JMJD4: variants seen among roughly 807,000 people sequenced by gnomAD.
JMJD4 encodes the protein 2-oxoglutarate and iron-dependent oxygenase JMJD4.
Under a neutral mutation model 36.3 loss-of-function variants are expected in JMJD4, and 34 were observed. The observed-to-expected ratio is 0.94, with a 90% confidence interval of 0.71 to 1.25. JMJD4 has a LOEUF of 1.25. JMJD4 is among the 50% of genes most tolerant of loss of function. The pLI, the probability that JMJD4 is intolerant of heterozygous loss-of-function variation, is 0.00. For synonymous variants in JMJD4, 269 were observed against 235.3 expected, an observed-to-expected ratio of 1.14 and a Z score of -1.31; for missense variants, 584 against 559.1, an observed-to-expected ratio of 1.04 and a Z score of -0.45.
In JMJD4 at chr1:227,734,023, C is replaced by A; in HGVS notation, c.438G>T (p.Pro146=). 1 of 1,613,206 alleles carries A rather than the reference C, an allele frequency of 6.2e-7. No individual in the cohort carries two copies. Among genetic ancestry groups the A allele is most frequent in the Non-Finnish European group, 8.5e-7 (1 of 1,179,812 alleles). Residue 146 remains proline (P), a synonymous_variant, in exon 3 of 6, where the codon CCG becomes CCT. Transcript: ENST00000620518. ...CAGGCAGGGTGAAAACGTCCTCCAC[C>A]GGAAAGTCCCTGTGAGGAGGGCGCA... ...LKDWHLCRDF[P]VEDVFTLPVY...
intron 2 of JMJD4, chr1:227,734,375 AAAG>A: frequency 2.9e-6 from 1 of 340,328 alleles, no homozygotes; most frequent in Non-Finnish European, 5.2e-6. Flanking sequence ...AAAAAAAAAA[AAAG>A]CCGGGAGTGG....
intron 2 of JMJD4, chr1:227,734,306 A>C (rs1053621566): frequency 1.8e-5 from 7 of 390,956 alleles, no homozygotes; most frequent in Non-Finnish European, 3.1e-5. Context: ...ACCTGAGCTC[A>C]GGAGTTCAAG....
At position 227,732,060 on chromosome 1, in the gene JMJD4, C is replaced by T. The variant is rs1412337628; in HGVS notation, c.*332G>A. The stretch of plus-strand genomic sequence containing the variant: ...ACAGGGCTGGCCTATTAAGAGGAGC[C>T]ACCAGAGAAGGCACACCAGACACAG... On this transcript the variant is annotated 3_prime_UTR_variant, in exon 6 of 6. Coordinates refer to ENST00000620518, the MANE Select transcript of JMJD4 (RefSeq NM_023007.3). The T allele has an allele frequency of 4.8e-6, 2 of 416,782 alleles. No homozygotes were observed. Among genetic ancestry groups the T allele is most frequent in the Admixed American group, 7.3e-5 (2 of 27,490 alleles). The allele number at this position is 416,782 out of a possible 1,614,324, so 25.8% of individuals were successfully genotyped here. A position where few individuals can be genotyped will look rare whatever the true frequency, so the allele number is the denominator to read the frequency against.
At position 227,734,783 on chromosome 1, in the gene JMJD4, A is replaced by G. The variant is rs977414047; in HGVS notation, c.296T>C (p.Val99Ala). Reference sequence around the variant, plus strand: ...TTTGGGGTTCGAGTTGTATTCCTGGACCCCACAGTTTGCAACTGGTACAAC... The same window carrying G: ...TTTGGGGTTCGAGTTGTATTCCTGGGCCCCACAGTTTGCAACTGGTACAAC... ...DVVVPVANCG[V>A]QEYNSNPKEH... The change falls in exon 2 of 6, where the codon GTC (valine) becomes GCC (alanine). Residue 99 changes from valine (V) to alanine (A), a missense_variant. Transcript: ENST00000620518. The G allele has an allele frequency of 5.8e-5, 93 of 1,613,804 alleles. No homozygotes were observed. The highest frequency in any genetic ancestry group is 7.5e-5 in the Non-Finnish European group (89 of 1,180,000).
In JMJD4 at chr1:227,735,012, C is replaced by A; in HGVS notation, c.262G>T (p.Gly88Ter). 1 of 1,538,668 alleles carries A rather than the reference C, an allele frequency of 6.5e-7. No individual in the cohort carries two copies. The highest frequency in any genetic ancestry group is 2.3e-5 in the East Asian group (1 of 43,150). ...CCGGGGTCTGCGGCCGCCGCCCCACCGTAGGTCCGTAGCAGGTGGTCGAAG... is the reference window on the plus strand; with the variant it reads ...CCGGGGTCTGCGGCCGCCGCCCCACAGTAGGTCCGTAGCAGGTGGTCGAAG... ...PDFDHLLRTY[G>*]DVVVPVANCG... The change falls in exon 1 of 6, where the codon GGA (glycine) becomes TGA (stop). Residue 88 changes from glycine to a stop codon, truncating the protein, a stop_gained and splice_region_variant. Coordinates refer to ENST00000620518, the MANE Select transcript of JMJD4 (RefSeq NM_023007.3). LOFTEE classifies it high-confidence loss of function.
rs761230709 is a variant in JMJD4, at chr1:227,733,466, G to A, written c.770C>T (p.Ala257Val). 1.0e-5 allele frequency: 16 copies of A among 1,590,920 alleles called. No individual in the cohort carries two copies. Among genetic ancestry groups the A allele is most frequent in the South Asian group, 3.4e-5 (3 of 88,722 alleles). ...ACTGGGCACAAACACCATCTCGCCC[G>A]CTTCCTGCGTGATCTCCAAGGGTGG... ...AGPPLEITQE[A>V]GEMVFVPSGW... Residue 257 changes from alanine (A) to valine (V), a missense_variant, in exon 4 of 6, where the codon GCG becomes GTG. Ala to Val is a moderately conservative substitution (Grantham distance 64, BLOSUM62 0). Coordinates refer to ENST00000620518, the MANE Select transcript of JMJD4 (RefSeq NM_023007.3).
Position 227,732,968 on chromosome 1 carries a change from C to A in JMJD4, c.882G>T (p.Trp294Cys). 1 of 1,613,424 alleles carries A rather than the reference C, an allele frequency of 6.2e-7. No homozygotes were observed. Among genetic ancestry groups the A allele is most frequent in the Non-Finnish European group, 8.5e-7 (1 of 1,180,022 alleles). ...CGCATAGCTCCTGCTGCAAGAAGCGCCACATGTTGGCCAGGTTGAAGCCAT... is the reference window on the plus strand; with the variant it reads ...CGCATAGCTCCTGCTGCAAGAAGCGACACATGTTGGCCAGGTTGAAGCCAT... Reference protein sequence around the residue: ...WVNGFNLANMWRFLQQELCAV... With the variant: ...WVNGFNLANMCRFLQQELCAV... The change falls in exon 5 of 6, where the codon TGG becomes TGT. Residue 294 changes from tryptophan to cysteine, a missense_variant. Physicochemically the swap from Trp to Cys is radical, Grantham distance 215 (BLOSUM62 -2). Coordinates refer to ENST00000620518, the MANE Select transcript of JMJD4 (RefSeq NM_023007.3).
In JMJD4 at chr1:227,733,487, G is replaced by T; in HGVS notation, c.749C>A (p.Pro250His). 1 of 1,595,148 alleles carries T rather than the reference G, an allele frequency of 6.3e-7. No homozygotes were observed. The highest frequency in any genetic ancestry group is 8.5e-7 in the Non-Finnish European group (1 of 1,170,614). Residue 250 changes from proline (P) to histidine (H), a missense_variant, in exon 4 of 6, where the codon CCC becomes CAC. By Grantham distance (77) the Pro-to-His change is moderately conservative. Coordinates refer to ENST00000620518, the MANE Select transcript of JMJD4 (RefSeq NM_023007.3). ...LHPRNQLAGP[P>H]LEITQEAGEM... ...GCCCGCTTCCTGCGTGATCTCCAAG[G>T]GTGGGCCAGCAAGCTGGTTCCGTGG...
chr1:227,732,463 C>T lies in JMJD4; in HGVS notation c.1183G>A (p.Ala395Thr), dbSNP rs758043337. The change falls in exon 6 of 6, where the codon GCG (alanine) becomes ACG (threonine). Residue 395 changes from alanine (A) to threonine (T), a missense_variant. Coordinates refer to ENST00000620518, the MANE Select transcript of JMJD4 (RefSeq NM_023007.3). ...HPDFQRVDTSAFSPQPKELLQ... is the reference protein window; with the variant it reads ...HPDFQRVDTSTFSPQPKELLQ... ...AGCTCTTTGGGCTGTGGTGAGAACG[C>T]GCTGGTGTCCACTCTCTGGAAGTCG... is the stretch of plus-strand genomic sequence containing the variant. 35 of 1,613,178 alleles carry T rather than the reference C, an allele frequency of 2.2e-5. No homozygotes were observed. The highest frequency in any genetic ancestry group is 2.2e-5 in the East Asian group (1 of 44,884).
intron 3 of JMJD4, 41 bp from the exon 4 acceptor site, chr1:227,733,722 G>T (rs1285065857): frequency 6.3e-7 from 1 of 1,598,228 alleles, no homozygotes; most frequent in South Asian, 1.1e-5. Context: ...TGTAGGGGCT[G>T]GTATGGGCTT....
At chr1:227,732,806 G>A in intron 5 of JMJD4, 75 bp downstream of exon 5, 1 of 1,596,608 alleles carries the variant, frequency 6.3e-7, no homozygotes. Context: ...AAGCTGCGCG[G>A]TGACCAAGGG....
At chr1:227,733,872 C>T (rs756674096) in intron 3 of JMJD4, 35 bp downstream of exon 3, 3 of 1,611,348 alleles carry the variant, frequency 1.9e-6, no homozygotes, top group Non-Finnish European at 2.5e-6. Flanking sequence ...GTCACCAGGC[C>T]CCTTCGGGTT....
In JMJD4 at chr1:227,732,266, A is replaced by G. The variant is rs769668323; in HGVS notation, c.*126T>C. 6 of 1,133,844 alleles carry G rather than the reference A, an allele frequency of 5.3e-6. No individual in the cohort carries two copies. The highest frequency in any genetic ancestry group is 7.7e-6 in the Non-Finnish European group (6 of 778,966). 70.2% of individuals were successfully genotyped at this position (1,133,844 alleles called of 1,614,324 possible). On this transcript the variant is annotated 3_prime_UTR_variant, in exon 6 of 6. Transcript: ENST00000620518. ...AGGCACCCAGGCAGTGGCCATGAAC[A>G]GCCAGGCCACAAGCCTCGACAGGGG...
chr1:227,733,431 G>A lies in JMJD4; in HGVS notation c.805C>T (p.His269Tyr). ...CACATTACCAGGTTGTGCACCTGGT[G>A]GTGCCAGCCACTGGGCACAAACACC... ...EMVFVPSGWH[H>Y]QVHNLDDTIS... The change falls in exon 4 of 6, where the codon CAC (histidine) becomes TAC (tyrosine). Residue 269 changes from histidine to tyrosine, a missense_variant. His to Tyr is a moderately conservative substitution (Grantham distance 83, BLOSUM62 2). Transcript: ENST00000620518. 6.3e-7 allele frequency: 1 copy of A among 1,578,068 alleles called. No individual in the cohort carries two copies. Among genetic ancestry groups the A allele is most frequent in the Non-Finnish European group, 8.6e-7 (1 of 1,162,836 alleles).
rs1424280144 is a variant in JMJD4, at chr1:227,735,288, G to A, written c.-15C>T. On this transcript the variant is annotated 5_prime_UTR_variant, in exon 1 of 6. Transcript: ENST00000620518. ...TCGCGGTCCATCCAGCTCAGCACGG[G>A]TCGAAGGACCCTCCTCCTCACTTCC... The A allele has an allele frequency of 2.5e-6, 4 of 1,605,940 alleles. No individual in the cohort carries two copies. Among genetic ancestry groups the A allele is most frequent in the African/African-American group, 1.3e-5 (1 of 74,616 alleles).
Position 227,732,061 on chromosome 1 carries a change from A to C in JMJD4, c.*331T>G. The C allele has an allele frequency of 2.4e-6, 1 of 415,802 alleles. No homozygotes were observed. Among genetic ancestry groups the C allele is most frequent in the Non-Finnish European group, 4.5e-6 (1 of 224,204 alleles). The allele number at this position is 415,802 out of a possible 1,614,324, so 25.8% of individuals were successfully genotyped here. On this transcript the variant is annotated 3_prime_UTR_variant, in exon 6 of 6. Transcript: ENST00000620518. ...CAGGGCTGGCCTATTAAGAGGAGCC[A>C]CCAGAGAAGGCACACCAGACACAGA...
chr1:227,732,682 CAGAGGGA>C lies in JMJD4; in HGVS notation c.970-13_970-7del, dbSNP rs1660743682. The C allele has an allele frequency of 6.2e-7, 1 of 1,611,754 alleles. No homozygotes were observed. Among genetic ancestry groups the C allele is most frequent in the Middle Eastern group, 1.7e-4 (1 of 6,058 alleles). ...GAGCAGGACCTCATGATGACCTGGG[CAGAGGGA>C]AGAGGCCAGTGAGCTAACACCATGG... On this transcript the variant is annotated splice_region_variant and splice_polypyrimidine_tract_variant and intron_variant, in intron 5 of 5. Transcript: ENST00000620518.
Position 227,735,113 on chromosome 1 carries a change from G to A in JMJD4, c.161C>T (p.Pro54Leu). 6.3e-7 allele frequency: 1 copy of A among 1,576,602 alleles called. No homozygotes were observed. Among genetic ancestry groups the A allele is most frequent in the South Asian group, 1.2e-5 (1 of 86,942 alleles). Residue 54 changes from proline (P) to leucine (L), a missense_variant, in exon 1 of 6, where the codon CCC (proline) becomes CTC (leucine). Transcript: ENST00000620518. ...FVRGFLLPNLPCVFSSAFTQG... is the reference protein window; with the variant it reads ...FVRGFLLPNLLCVFSSAFTQG... ...CGTGAAGGCGCTGGAAAACACGCAG[G>A]GCAGGTTGGGCAGCAAGAAGCCCCG...
In JMJD4 at chr1:227,733,531, G is replaced by T. The variant is rs773887623; in HGVS notation, c.705C>A (p.Leu235=). The T allele has an allele frequency of 6.2e-7, 1 of 1,602,348 alleles. No homozygotes were observed. The highest frequency in any genetic ancestry group is 1.1e-5 in the South Asian group (1 of 90,392). Residue 235 remains leucine, a synonymous_variant, in exon 4 of 6, where the codon CTC becomes CTA. Transcript: ENST00000620518. ...NLPYDVTSPA[L]CDTHLHPRNQ... is the part of the protein sequence containing the mutation. ...TCCGTGGGTGCAGGTGTGTGTCGCA[G>T]AGTGCTGGGGAGGTCACGTCGTAGG...
Sources: allele counts gnomAD v4.1 joint callset, GRCh38; gene constraint gnomAD v4.1.1; transcripts MANE v1.5; gene names NCBI Gene and HGNC (gene_info 2026-07-23, HGNC 2026-07-21).